Variants in KLHL29 observed in about 807,000 individuals in gnomAD.
The protein encoded by KLHL29 is kelch-like protein 29.
A neutral mutation model predicts 80.4 loss-of-function variants in KLHL29; 21 were observed. That is an observed-to-expected ratio of 0.26 (90% CI 0.19 to 0.38). KLHL29 has a LOEUF of 0.38. Among genes scored for constraint, KLHL29 ranks in the 10% least tolerant of loss-of-function variants. KLHL29 has a pLI of 1.00. For synonymous variants in KLHL29, 511 were observed against 526.8 expected, an observed-to-expected ratio of 0.97 and a Z score of 0.41; for missense variants, 867 against 1,223.9, an observed-to-expected ratio of 0.71 and a Z score of 4.35.
chr2:23,702,115 G>A (rs576908299), intron 11 of KLHL29, among the ~76,000 whole-genome samples: 65 of 152,090 alleles, frequency 4.3e-4, no homozygotes, highest in Middle Eastern at 3.4e-3. Context: ...GAGCCATCGC[G>A]CCCAGCCCAC....
chr2:23,640,943 T>C (rs1002065916), intron 4 of KLHL29, among the ~76,000 whole-genome samples: 1 of 152,174 alleles, frequency 6.6e-6, no homozygotes, highest in Admixed American at 6.5e-5. Context: ...GGCGCCATTT[T>C]CTTTCTGAGA....
chr2:23,562,544 C>T lies in KLHL29; in HGVS notation c.285+63C>T, dbSNP rs568221867. ...GAGGGGCCCTGCCTCCCTGCAGGCTCAGGCCAGCCCCACAGGCTCCTGTGG... is the reference window on the plus strand; with the variant it reads ...GAGGGGCCCTGCCTCCCTGCAGGCTTAGGCCAGCCCCACAGGCTCCTGTGG... On this transcript the variant is annotated intron_variant, in intron 3 of 13. Transcript: ENST00000486442. This position sits in a 1 kb window ranked among gnomAD's most constrained non-coding sequence, Gnocchi z 4.5. 87 of 1,496,054 alleles carry T rather than the reference C, an allele frequency of 5.8e-5. No homozygotes were observed. In the African/African-American group the frequency reaches 8.7e-4, roughly 15 times the overall value. The allele number at this position is 1,496,054 out of a possible 1,614,324, so 92.7% of individuals were successfully genotyped here. A position where few individuals can be genotyped will look rare whatever the true frequency, so the allele number is the denominator to read the frequency against.
rs1401203817 is a variant in KLHL29, at chr2:23,588,574, CTG to C, written c.285+26096_285+26097del. On this transcript the variant is annotated intron_variant, in intron 3 of 13. Transcript: ENST00000486442. ...CAGATCCAGTGTGGTGCTTCTTAGA[CTG>C]TGGTCTGAGGCCTCCTGCTTATAGA... is the stretch of plus-strand genomic sequence containing the variant. Among the ~76,000 whole-genome samples the C allele has an allele frequency of 3.3e-5, 5 of 152,372 alleles. No homozygotes were observed. In the Middle Eastern group the frequency reaches 0.014, roughly 415 times the overall value.
rs180937127 is a variant in KLHL29, at chr2:23,435,608, C to G, written c.-153-39952C>G. Among the ~76,000 whole-genome samples the G allele has an allele frequency of 2.8e-3, 426 of 152,332 alleles. 4 individuals are homozygous for G. Among genetic ancestry groups the G allele is most frequent in the African/African-American group, 9.6e-3 (400 of 41,574 alleles). On this transcript the variant is annotated intron_variant, in intron 1 of 13. Coordinates refer to ENST00000486442, the MANE Select transcript of KLHL29 (RefSeq NM_052920.2). ...CGGTTGCACGTAAATCAATTTTCTG[C>G]TCCACTAAGTTTATTCATTTAAATG...
chr2:23,634,204 A>C (rs1669548960), intron 3 of KLHL29, among the ~76,000 whole-genome samples: 1 of 152,052 alleles, frequency 6.6e-6, no homozygotes, highest in Admixed American at 6.5e-5. Flanking sequence ...CCCTGTCTGC[A>C]CCACATGGTA....
At chr2:23,604,885 C>G (rs1488969342) in intron 3 of KLHL29, among the ~76,000 whole-genome samples, 1 of 152,182 alleles carries the variant, frequency 6.6e-6, no homozygotes, top group Non-Finnish European at 1.5e-5. Context: ...TGGGCTGCAG[C>G]CAAGGCCAGG....
chr2:23,599,255 C>G (rs926114409), intron 3 of KLHL29, among the ~76,000 whole-genome samples: 1 of 152,148 alleles, frequency 6.6e-6, no homozygotes, highest in African/African-American at 2.4e-5. Context: ...TCTTAGCATG[C>G]CCTGGTCCCT....
At chr2:23,461,410 CTT>C (rs550743978) in intron 1 of KLHL29, among the ~76,000 whole-genome samples, 6 of 152,202 alleles carry the variant, frequency 3.9e-5, no homozygotes, top group Non-Finnish European at 7.3e-5. Flanking sequence ...TGTTTCAACA[CTT>C]TTGCAGCTGC....
chr2:23,620,337 G>A (rs925274342), intron 3 of KLHL29, among the ~76,000 whole-genome samples: 6 of 152,288 alleles, frequency 3.9e-5, no homozygotes, highest in African/African-American at 1.4e-4. Context: ...TTACATTTTA[G>A]AAAAAGAACT....
intron 2 of KLHL29, among the ~76,000 whole-genome samples, chr2:23,538,577 G>A (rs148038651): frequency 1.9e-3 from 296 of 152,320 alleles, no homozygotes; most frequent in African/African-American, 7.0e-3. Flanking sequence ...AGAAGAGTGT[G>A]CCTGTGGCTT....
chr2:23,481,873 C>T (rs1307821741), intron 2 of KLHL29, among the ~76,000 whole-genome samples: 1 of 151,370 alleles, frequency 6.6e-6, no homozygotes, highest in African/African-American at 2.4e-5. Context: ...GCTGAGATCA[C>T]ACCACTGCAC....
At chr2:23,397,843 A>G (rs1458141561) in intron 1 of KLHL29, among the ~76,000 whole-genome samples, 4 of 152,262 alleles carry the variant, frequency 2.6e-5, no homozygotes, top group Non-Finnish European at 5.9e-5. Context: ...CCAATGGCCA[A>G]TAAGGACACA....
intron 2 of KLHL29, among the ~76,000 whole-genome samples, chr2:23,553,852 T>TG (rs1204526069): frequency 1.3e-5 from 2 of 152,198 alleles, no homozygotes; most frequent in South Asian, 2.1e-4. Context: ...GGGGGAAAGG[T>TG]GGCCCTGTCT....
intron 2 of KLHL29, among the ~76,000 whole-genome samples, chr2:23,542,014 G>A (rs941190083): frequency 6.6e-6 from 1 of 152,200 alleles, no homozygotes; most frequent in African/African-American, 2.4e-5. Flanking sequence ...GGGTTGGGCT[G>A]TGTGCTGCCT....
intron 1 of KLHL29, among the ~76,000 whole-genome samples, chr2:23,464,468 G>A (rs1664295526): frequency 6.6e-6 from 1 of 152,180 alleles, no homozygotes; most frequent in Admixed American, 6.5e-5. Flanking sequence ...TCCCCAGTGG[G>A]TGAGATTGGC....
At chr2:23,583,514 A>C (rs1258419572) in intron 3 of KLHL29, among the ~76,000 whole-genome samples, 1 of 152,186 alleles carries the variant, frequency 6.6e-6, no homozygotes, top group African/African-American at 2.4e-5. Context: ...GAAAAGTTTC[A>C]AAGGGCGATT....
intron 1 of KLHL29, among the ~76,000 whole-genome samples, chr2:23,410,147 C>G (rs1334389175): frequency 1.3e-5 from 2 of 152,190 alleles, no homozygotes; most frequent in Admixed American, 1.3e-4. Context: ...TGCAAGAGCA[C>G]TGACTGGCTG....
chr2:23,387,508 TTATTA>T lies in KLHL29; in HGVS notation c.-154+1730_-154+1734del, dbSNP rs1558319600. 1.8e-3 allele frequency among the ~76,000 whole-genome samples: 155 copies of T among 87,248 alleles called. No individual in the cohort carries two copies. The South Asian group carries it at 0.025, about 14-fold the overall frequency. The allele number at this position is 87,248 out of a possible 152,430, so 57.2% of individuals were successfully genotyped here. ...CTTGTCCCACCTCATTCCTGATTTATTATTATTATTATTATTATTATTATTATTAT... is the reference window on the plus strand; with the variant it reads ...CTTGTCCCACCTCATTCCTGATTTATTTATTATTATTATTATTATTATTAT... On this transcript the variant is annotated intron_variant, in intron 1 of 13. Transcript: ENST00000486442.
At chr2:23,677,816 G>A (rs762994617) in intron 5 of KLHL29, among the ~76,000 whole-genome samples, 1 of 152,174 alleles carries the variant, frequency 6.6e-6, no homozygotes, top group South Asian at 2.1e-4. Flanking sequence ...TCTTTGCTGG[G>A]CTTTCTCAGT....
Sources: gnomAD v4.1 joint callset for allele counts (sites outside exome capture counted in the v4.1 genomes callset) on GRCh38, gnomAD v4.1.1 for gene constraint, Gnocchi (gnomAD v3.1) non-coding constraint, MANE v1.5 for transcripts, NCBI Gene and HGNC (gene_info 2026-07-23, HGNC 2026-07-21) for gene names.